The following CACNA1C variants were observed in gnomAD, a reference collection of about 807,000 sequenced individuals.
CACNA1C encodes the protein calcium voltage-gated channel subunit alpha1 C.
Under a neutral mutation model 229.0 loss-of-function variants are expected in CACNA1C, and 30 were observed. The observed-to-expected ratio is 0.13, with a 90% CI of 0.10 to 0.18. CACNA1C has a LOEUF of 0.18. CACNA1C is among the 10% of genes least tolerant of loss of function. The pLI is 1.00. For missense variants in CACNA1C, 1,658 were observed against 2,845.0 expected, an observed-to-expected ratio of 0.58 and a Z score of 9.49; for synonymous variants, 1,114 against 1,132.5, an observed-to-expected ratio of 0.98 and a Z score of 0.33.
At chr12:2,335,373 C>T (rs2096660997) in intron 3 of CACNA1C, among the ~76,000 whole-genome samples, 1 of 152,106 alleles carries the variant, frequency 6.6e-6, no homozygotes, top group South Asian at 2.1e-4. Flanking sequence ...GAGCCATTTC[C>T]TTCCTCTTGA....
At chr12:2,372,183 G>A (rs1487934115) in intron 3 of CACNA1C, among the ~76,000 whole-genome samples, 3 of 152,302 alleles carry the variant, frequency 2.0e-5, no homozygotes, top group Middle Eastern at 3.4e-3. Flanking sequence ...GATGTCCTCA[G>A]TGTCCTGCAG....
At chr12:2,162,489 A>C (rs1411774955) in intron 3 of CACNA1C, among the ~76,000 whole-genome samples, 1 of 152,108 alleles carries the variant, frequency 6.6e-6, no homozygotes, top group Non-Finnish European at 1.5e-5. Context: ...CACAAAACAA[A>C]AAATAAATAA....
In CACNA1C at chr12:2,690,980, C is replaced by G. The variant is rs1358142888; in HGVS notation, c.6198C>G (p.Ala2066=). Residue 2066 remains alanine, a synonymous_variant, in exon 47 of 47, where the codon GCC becomes GCG. Transcript: ENST00000399655. The part of the protein sequence containing the change: ...IEVTTQELAD[A]CDMTIEEMES... Reference sequence around the variant, plus strand: ...TCACCACCCAGGAGCTGGCCGACGCCTGCGACATGACCATAGAGGAGATGG... The same window carrying G: ...TCACCACCCAGGAGCTGGCCGACGCGTGCGACATGACCATAGAGGAGATGG... 3 of 1,599,928 alleles carry G rather than the reference C, an allele frequency of 1.9e-6. No homozygotes were observed. The African/African-American group carries it at 4.0e-5, about 21-fold the overall frequency.
At chr12:2,177,505 C>T (rs1828332385) in intron 3 of CACNA1C, among the ~76,000 whole-genome samples, 1 of 151,092 alleles carries the variant, frequency 6.6e-6, no homozygotes, top group Non-Finnish European at 1.5e-5. Flanking sequence ...TTCCCTCCCT[C>T]CCTCTCTCTT....
intron 5 of CACNA1C, among the ~76,000 whole-genome samples, chr12:2,476,397 A>G (rs1364869983): frequency 6.6e-6 from 1 of 152,236 alleles, no homozygotes; most frequent in African/African-American, 2.4e-5. Context: ...AATCTGGGAC[A>G]ATTTATCTGT....
chr12:2,106,568 A>G lies in CACNA1C; in HGVS notation c.50-8656A>G, dbSNP rs34908787. On this transcript the variant is annotated intron_variant, in intron 1 of 46. Transcript: ENST00000399655. The stretch of plus-strand genomic sequence containing the variant: ...GAGAGGGTTTCCACCTCAGCTGGGC[A>G]TCCTGAAGCCACTGGGTGCTCACCC... Among the ~76,000 whole-genome samples, 90 of 95,994 alleles carry G rather than the reference A, an allele frequency of 9.4e-4. 2 individuals are homozygous for G. Among genetic ancestry groups the G allele is most frequent in the Middle Eastern group, 7.8e-3 (1 of 128 alleles). 63.0% of individuals were successfully genotyped at this position (95,994 alleles called of 152,430 possible).
chr12:2,557,286 A>C lies in CACNA1C; in HGVS notation c.1508+309A>C, dbSNP rs994278521. ...GATGAAGTCCAGTTAAAAGAAACATAAAGTGAGCCCTTGTGACTGTCATGA... is the reference window on the plus strand; with the variant it reads ...GATGAAGTCCAGTTAAAAGAAACATCAAGTGAGCCCTTGTGACTGTCATGA... On this transcript the variant is annotated intron_variant, in intron 11 of 46. Transcript: ENST00000399655. Among the ~76,000 whole-genome samples, 53 of 152,212 alleles carry C rather than the reference A, an allele frequency of 3.5e-4. 1 individual carries two copies. Among genetic ancestry groups the C allele is most frequent in the Non-Finnish European group, 5.9e-5 (4 of 68,044 alleles).
intron 3 of CACNA1C, among the ~76,000 whole-genome samples, chr12:2,384,639 A>G (rs946285502): frequency 6.6e-6 from 1 of 152,160 alleles, no homozygotes; most frequent in East Asian, 1.9e-4. Context: ...GAGCAGCAAC[A>G]GTGAAAGGGA....
Position 2,657,351 on chromosome 12 carries a change from A to G in CACNA1C, c.4232+2113A>G, listed in dbSNP as rs148086455. Among the ~76,000 whole-genome samples the G allele has an allele frequency of 1.7e-3, 254 of 152,352 alleles. 1 individual carries two copies. Among genetic ancestry groups the G allele is most frequent in the African/African-American group, 5.9e-3 (245 of 41,584 alleles). On this transcript the variant is annotated intron_variant, in intron 34 of 46. Coordinates refer to ENST00000399655, the MANE Select transcript of CACNA1C (RefSeq NM_000719.7). Reference sequence around the variant, plus strand: ...GTGAGGTGGTAGAAGAATGAGAAACATGAAACCATGCTAAGATTCTTCTCT... The same window carrying G: ...GTGAGGTGGTAGAAGAATGAGAAACGTGAAACCATGCTAAGATTCTTCTCT...
At chr12:2,414,068 GCCC>G (rs2098837972) in intron 3 of CACNA1C, among the ~76,000 whole-genome samples, 1 of 151,824 alleles carries the variant, frequency 6.6e-6, no homozygotes, top group Admixed American at 6.6e-5. Context: ...AGTAAGACTG[GCCC>G]AAGTCCTATC....
chr12:2,544,975 T>C (rs1278975274), intron 9 of CACNA1C, among the ~76,000 whole-genome samples: 1 of 152,228 alleles, frequency 6.6e-6, no homozygotes, highest in Non-Finnish European at 1.5e-5. Flanking sequence ...ATGGTTTCGC[T>C]GGGATTCAGA....
At chr12:2,624,812 T>C (rs1035593831) in intron 29 of CACNA1C, among the ~76,000 whole-genome samples, 2 of 152,222 alleles carry the variant, frequency 1.3e-5, no homozygotes, top group African/African-American at 4.8e-5. Flanking sequence ...ATTGAGAAAC[T>C]GCAGTGTCTG....
chr12:2,565,290 A>AG (rs2049958182), intron 11 of CACNA1C, among the ~76,000 whole-genome samples: 1 of 151,594 alleles, frequency 6.6e-6, no homozygotes, highest in Non-Finnish European at 1.5e-5. Context: ...AACAAGGTGA[A>AG]ACCCGTCTCT....
chr12:2,307,258 CT>C (rs1180275908), intron 3 of CACNA1C, among the ~76,000 whole-genome samples: 2 of 152,220 alleles, frequency 1.3e-5, no homozygotes, highest in African/African-American at 2.4e-5. Flanking sequence ...CTTTCATCTG[CT>C]TTCTCTACCC....
At chr12:2,278,779 G>A (rs2089958911) in intron 3 of CACNA1C, among the ~76,000 whole-genome samples, 1 of 152,234 alleles carries the variant, frequency 6.6e-6, no homozygotes, top group South Asian at 2.1e-4. Flanking sequence ...ATGTGGTAGT[G>A]TACGTTTAGT....
intron 3 of CACNA1C, among the ~76,000 whole-genome samples, chr12:2,265,148 A>G (rs1030253239): frequency 6.6e-6 from 1 of 152,198 alleles, no homozygotes; most frequent in Admixed American, 6.5e-5. Context: ...TGCTGGCCTG[A>G]GGGAGGCCCT....
chr12:2,653,535 C>A lies in CACNA1C; in HGVS notation c.4075-300C>A, dbSNP rs1432034213. Reference sequence around the variant, plus strand: ...ATTTCTCCTGCCTCGTACAGACACACCGCACATGTGTAGTCGGAGGAGGTT... The same window carrying A: ...ATTTCTCCTGCCTCGTACAGACACAACGCACATGTGTAGTCGGAGGAGGTT... On this transcript the variant is annotated intron_variant, in intron 32 of 46. Transcript: ENST00000399655. This position sits in a 1 kb window ranked among gnomAD's most constrained non-coding sequence, Gnocchi z 4.7. Among the ~76,000 whole-genome samples, 3 of 152,198 alleles carry A rather than the reference C, an allele frequency of 2.0e-5. No individual in the cohort carries two copies. Among genetic ancestry groups the A allele is most frequent in the African/African-American group, 7.2e-5 (3 of 41,430 alleles).
chr12:2,275,265 A>AAT lies in CACNA1C; in HGVS notation c.477+154837_477+154838dup, dbSNP rs1177907174. ...AACGTGATCTTTCTTTCCTTTGCCC[A>AAT]ATACATGTCAGGCTCTGTGTGGCAA... is the stretch of plus-strand genomic sequence containing the variant. On this transcript the variant is annotated intron_variant, in intron 3 of 46. Transcript: ENST00000399655. This position sits in a 1 kb window ranked among gnomAD's most constrained non-coding sequence, Gnocchi z 4.1. 6.6e-6 allele frequency among the ~76,000 whole-genome samples: 1 copy of AAT among 152,192 alleles called. No individual in the cohort carries two copies. Among genetic ancestry groups the AAT allele is most frequent in the East Asian group, 1.9e-4 (1 of 5,194 alleles).
At chr12:2,239,901 C>T (rs1163423116) in intron 3 of CACNA1C, among the ~76,000 whole-genome samples, 1 of 152,112 alleles carries the variant, frequency 6.6e-6, no homozygotes, top group African/African-American at 2.4e-5. Flanking sequence ...AGTGGGATGC[C>T]CAAGGGAAAT....
Sources: gnomAD v4.1 joint callset for allele counts (sites outside exome capture counted in the v4.1 genomes callset) on GRCh38, gnomAD v4.1.1 for gene constraint, Gnocchi (gnomAD v3.1) non-coding constraint, MANE v1.5 for transcripts, NCBI Gene and HGNC (gene_info 2026-07-23, HGNC 2026-07-21) for gene names.